CCDC73: variants seen among roughly 807,000 people sequenced by gnomAD.
CCDC73 encodes coiled-coil domain containing 73.
Under a neutral mutation model 116.5 loss-of-function variants are expected in CCDC73, and 95 were observed. The observed-to-expected ratio is 0.82, with a 90% CI of 0.69 to 0.97. CCDC73 has a LOEUF of 0.97. Ranked by LOEUF, CCDC73 falls within the 50% of genes least tolerant of loss-of-function variation. CCDC73 has a pLI of 0.00. For missense variants in CCDC73, 1,066 were observed against 1,206.8 expected, an observed-to-expected ratio of 0.88 and a Z score of 1.73; for synonymous variants, 398 against 401.3, an observed-to-expected ratio of 0.99 and a Z score of 0.10.
At chr11:32,736,652 C>T (rs1259089399) in intron 2 of CCDC73, among the ~76,000 whole-genome samples, 1 of 151,814 alleles carries the variant, frequency 6.6e-6, no homozygotes, top group Non-Finnish European at 1.5e-5. Flanking sequence ...CCAGCCATCC[C>T]ACTACTGGGT....
chr11:32,656,301 G>T (rs1468284431), intron 9 of CCDC73, among the ~76,000 whole-genome samples: 3 of 151,536 alleles, frequency 2.0e-5, no homozygotes, highest in African/African-American at 7.3e-5. Context: ...GGATGGTCTC[G>T]ATCTCCTGAC....
At chr11:32,669,997 T>C (rs957316390) in intron 9 of CCDC73, among the ~76,000 whole-genome samples, 4 of 152,198 alleles carry the variant, frequency 2.6e-5, no homozygotes, top group South Asian at 2.1e-4. Flanking sequence ...GGGTTGTCAA[T>C]TGAGTCTACT....
chr11:32,607,116 G>A (rs899007617), intron 17 of CCDC73, among the ~76,000 whole-genome samples: 5 of 93,768 alleles, frequency 5.3e-5, no homozygotes, highest in Non-Finnish European at 7.8e-5. Context: ...TTTTTGAGAC[G>A]GAGTCTCGCT....
intron 2 of CCDC73, among the ~76,000 whole-genome samples, chr11:32,729,504 T>A (rs1041439511): frequency 6.6e-5 from 10 of 152,216 alleles, no homozygotes; most frequent in Non-Finnish European, 1.2e-4. Context: ...TTAGTATTTT[T>A]ATAAAACAAT....
intron 3 of CCDC73, among the ~76,000 whole-genome samples, chr11:32,716,327 A>G (rs1402015816): frequency 2.6e-5 from 4 of 152,168 alleles, no homozygotes; most frequent in African/African-American, 7.2e-5. Context: ...AACATTCACT[A>G]AATTATCTTA....
chr11:32,621,189 A>T (rs151000802), intron 14 of CCDC73, among the ~76,000 whole-genome samples: 2,201 of 152,276 alleles, frequency 0.014, 49 homozygotes, highest in African/African-American at 0.049. Context: ...ATGCATATGG[A>T]ACCAAAAAAG....
intron 2 of CCDC73, among the ~76,000 whole-genome samples, chr11:32,737,538 A>C (rs1312573085): frequency 6.6e-6 from 1 of 151,906 alleles, no homozygotes; most frequent in Non-Finnish European, 1.5e-5. Flanking sequence ...GAATCACTTG[A>C]ATCTGGGAGG....
chr11:32,639,160 C>CT (rs1201691887), intron 13 of CCDC73, among the ~76,000 whole-genome samples: 6 of 149,896 alleles, frequency 4.0e-5, no homozygotes, highest in Non-Finnish European at 8.8e-5. Context: ...CCGACACCCC[C>CT]CCCAAAAAAT....
intron 3 of CCDC73, among the ~76,000 whole-genome samples, chr11:32,711,058 G>A (rs557314280): frequency 6.6e-6 from 1 of 152,158 alleles, no homozygotes; most frequent in Admixed American, 6.5e-5. Context: ...CATCAGTAAT[G>A]ATCAGGGAAA....
chr11:32,743,052 A>C (rs1194367699), intron 2 of CCDC73, among the ~76,000 whole-genome samples: 1 of 152,140 alleles, frequency 6.6e-6, no homozygotes, highest in East Asian at 1.9e-4. Context: ...TGTTTTGGTT[A>C]CTGTAGCCTT....
At chr11:32,615,620 GT>G (rs1367525145) in intron 15 of CCDC73, among the ~76,000 whole-genome samples, 11 of 152,108 alleles carry the variant, frequency 7.2e-5, no homozygotes, top group African/African-American at 2.7e-4. Context: ...TCTCCACCAA[GT>G]GGTTGTTCAG....
chr11:32,619,825 GAGA>G (rs1034570560), intron 14 of CCDC73, among the ~76,000 whole-genome samples: 14 of 136,718 alleles, frequency 1.0e-4, no homozygotes, highest in Middle Eastern at 3.8e-3. Flanking sequence ...GAAGGAGAAG[GAGA>G]AGAAGAATGA....
In CCDC73 at chr11:32,662,540, TTTC is replaced by T. The variant is rs1430331840; in HGVS notation, c.646-7571_646-7569del. Among the ~76,000 whole-genome samples, 112 of 152,194 alleles carry T rather than the reference TTTC, an allele frequency of 7.4e-4. 2 individuals are homozygous for T. The highest frequency in any genetic ancestry group is 2.6e-3 in the African/African-American group (110 of 41,554). On this transcript the variant is annotated intron_variant, in intron 9 of 17. Transcript: ENST00000335185. The stretch of plus-strand genomic sequence containing the variant: ...CACTTTGTGATGGGGTTGTTTTTTT[TTTC>T]TTCTTGTAAATTTGTTTGAGTCCTT...
At chr11:32,713,508 TA>T (rs1218779329) in intron 3 of CCDC73, among the ~76,000 whole-genome samples, 1 of 151,974 alleles carries the variant, frequency 6.6e-6, no homozygotes, top group East Asian at 1.9e-4. Context: ...CTAGAGGAAA[TA>T]CCCTAGCTAA....
At chr11:32,741,514 G>C (rs1179588926) in intron 2 of CCDC73, among the ~76,000 whole-genome samples, 1 of 151,412 alleles carries the variant, frequency 6.6e-6, no homozygotes, top group Non-Finnish European at 1.5e-5. Flanking sequence ...GCTCTTTTTT[G>C]GTTTCCATTT....
intron 6 of CCDC73, among the ~76,000 whole-genome samples, chr11:32,687,697 C>A (rs760645138): frequency 2.0e-5 from 3 of 152,032 alleles, no homozygotes; most frequent in Non-Finnish European, 4.4e-5. Context: ...TATTTCCTAG[C>A]TCTGTCGACT....
intron 15 of CCDC73, among the ~76,000 whole-genome samples, 184 bp from the exon 16 acceptor site, chr11:32,615,126 T>C (rs1393704542): frequency 6.6e-6 from 1 of 152,140 alleles, no homozygotes; most frequent in Non-Finnish European, 1.5e-5. Context: ...GTATCAAATA[T>C]ATCTTTAGCA....
chr11:32,718,349 G>A (rs1027446304), intron 2 of CCDC73, among the ~76,000 whole-genome samples: 3 of 152,142 alleles, frequency 2.0e-5, no homozygotes, highest in Non-Finnish European at 4.4e-5. Flanking sequence ...TCTGGATAGA[G>A]ACAGGTGCCT....
At chr11:32,649,927 TA>T (rs1565066284) in intron 12 of CCDC73, among the ~76,000 whole-genome samples, 1 of 152,212 alleles carries the variant, frequency 6.6e-6, no homozygotes, top group African/African-American at 2.4e-5. Context: ...TTTAGTTTTA[TA>T]AAATCTAGCT....
Sources: allele counts gnomAD v4.1 joint callset (sites outside exome capture counted in the v4.1 genomes callset), GRCh38; gene constraint gnomAD v4.1.1; transcripts MANE v1.5; gene names NCBI Gene and HGNC (gene_info 2026-07-23, HGNC 2026-07-21).